The following DMD variants were observed in gnomAD, a reference collection of about 807,000 sequenced individuals.
DMD encodes dystrophin.
A neutral mutation model predicts 330.1 loss-of-function variants in DMD; 63 were observed. The observed-to-expected ratio is 0.19, with a 90% confidence interval of 0.16 to 0.24. The LOEUF is 0.24. DMD is among the 10% of genes least tolerant of loss of function. DMD has a pLI of 1.00. For synonymous variants in DMD, 1,223 were observed against 959.8 expected (o/e 1.27, Z -5.07); for missense variants, 3,344 against 2,684.1 (o/e 1.25, Z -5.43).
intron 29 of DMD, among the ~76,000 whole-genome samples, chrX:32,430,160 G>A (rs2098232237): frequency 2.7e-5 from 3 of 111,183 alleles, no homozygotes; most frequent in African/African-American, 9.8e-5. Flanking sequence ...CATTGTTGTA[G>A]ATAAGAAGTC....
At chrX:31,619,731 T>C (rs909537048) in intron 55 of DMD, among the ~76,000 whole-genome samples, 1 of 112,255 alleles carries the variant, frequency 8.9e-6, no homozygotes, top group Non-Finnish European at 1.9e-5. Flanking sequence ...ATTTAGTCAT[T>C]ACTTTGTATC....
At chrX:31,215,182 C>A (rs187790823) in intron 64 of DMD, among the ~76,000 whole-genome samples, 2,170 of 108,470 alleles carry the variant, frequency 0.02, 21 homozygotes, top group Middle Eastern at 0.038. Context: ...ACCTCGTGAT[C>A]TGCCTGCCTC....
intron 2 of DMD, among the ~76,000 whole-genome samples, chrX:32,858,390 C>T (rs977982827): frequency 2.4e-4 from 27 of 112,122 alleles, no homozygotes; most frequent in African/African-American, 7.8e-4. Context: ...AGTGCAGTGG[C>T]GCAATCTTGG....
intron 55 of DMD, among the ~76,000 whole-genome samples, chrX:31,543,889 T>C (rs1014922790): frequency 2.7e-5 from 3 of 111,128 alleles, no homozygotes; most frequent in Admixed American, 9.6e-5. Context: ...CAGTAAGAAG[T>C]AGGAATTTGG....
At chrX:31,876,740 G>A (rs1402075708) in intron 47 of DMD, among the ~76,000 whole-genome samples, 1 of 108,243 alleles carries the variant, frequency 9.2e-6, no homozygotes, top group African/African-American at 3.3e-5. Flanking sequence ...CAAAAAAACA[G>A]AGCCAGAATA....
At chrX:33,070,680 T>C (rs1346596850) in intron 1 of DMD, among the ~76,000 whole-genome samples, 1 of 27,192 alleles carries the variant, frequency 3.7e-5, no homozygotes, top group African/African-American at 1.7e-4. Context: ...TCTCTATATA[T>C]ATATATATAT....
intron 22 of DMD, 98 bp downstream of exon 22, chrX:32,472,066 G>T: frequency 9.4e-7 from 1 of 1,063,524 alleles, no homozygotes; most frequent in Non-Finnish European, 1.3e-6. Flanking sequence ...TACCATACTT[G>T]TCAGAATGAC....
intron 60 of DMD, among the ~76,000 whole-genome samples, chrX:31,420,283 A>T (rs1297342473): frequency 8.9e-6 from 1 of 112,584 alleles, no homozygotes. Context: ...TCTATAGAAT[A>T]GAATTTACAT....
In DMD at chrX:32,645,194, T is replaced by C. The variant is rs200330567; in HGVS notation, c.961-42A>G. On this transcript the variant is annotated intron_variant, in intron 9 of 78. Coordinates refer to ENST00000357033, the MANE Select transcript of DMD (RefSeq NM_004006.3). Reference sequence around the variant, plus strand: ...ATTGGGTGTTACACAATTAATGTCTTTGCAGATTGTTCCAGTACATTAAAT... The same window carrying C: ...ATTGGGTGTTACACAATTAATGTCTCTGCAGATTGTTCCAGTACATTAAAT... The C allele has an allele frequency of 1.8e-5, 21 of 1,163,053 alleles. No individual in the cohort carries two copies. The African/African-American group carries it at 3.5e-4, about 20-fold the overall frequency.
chrX:31,606,150 G>A (rs1485727637), intron 55 of DMD, among the ~76,000 whole-genome samples: 4 of 111,168 alleles, frequency 3.6e-5, no homozygotes, highest in Admixed American at 1.9e-4. Context: ...TCCTTCCTGC[G>A]GCCTTGTGAA....
chrX:33,316,945 A>G, intron 1 of DMD, among the ~76,000 whole-genome samples: 1 of 111,242 alleles, frequency 9.0e-6, no homozygotes, highest in East Asian at 2.8e-4. Flanking sequence ...TATTGTTAAT[A>G]TCTTACTATT....
intron 63 of DMD, among the ~76,000 whole-genome samples, chrX:31,247,045 C>A (rs1335551435): frequency 8.9e-6 from 1 of 111,891 alleles, no homozygotes; most frequent in Non-Finnish European, 1.9e-5. Flanking sequence ...ATATTTCAAG[C>A]TCACTGTAAG....
intron 44 of DMD, among the ~76,000 whole-genome samples, chrX:32,163,693 T>C (rs1015377186): frequency 1.8e-5 from 2 of 111,707 alleles, no homozygotes; most frequent in Admixed American, 9.5e-5. Flanking sequence ...TGTGTTAATA[T>C]CAATTTCCTG....
chrX:31,579,435 C>G (rs2076247547), intron 55 of DMD, among the ~76,000 whole-genome samples: 1 of 112,572 alleles, frequency 8.9e-6, no homozygotes, highest in South Asian at 3.7e-4. Flanking sequence ...GCTTCTTTCT[C>G]TAATAAATTC....
intron 18 of DMD, among the ~76,000 whole-genome samples, chrX:32,508,332 T>C (rs934316738): frequency 1.8e-5 from 2 of 111,999 alleles, no homozygotes; most frequent in African/African-American, 6.5e-5. Context: ...GGAATATGCA[T>C]ACAAGTATGC....
At chrX:33,314,570 G>GTTTTT (rs1170142842) in intron 1 of DMD, among the ~76,000 whole-genome samples, 3 of 79,044 alleles carry the variant, frequency 3.8e-5, no homozygotes, top group Non-Finnish European at 6.9e-5. Context: ...TTTTTTTTTT[G>GTTTTT]TTTTTTTTTT....
intron 55 of DMD, among the ~76,000 whole-genome samples, chrX:31,552,753 CA>C (rs1444790159): frequency 9.0e-6 from 1 of 111,688 alleles, no homozygotes; most frequent in African/African-American, 3.3e-5. Context: ...ACATGGGTTA[CA>C]TGGGTTTGAG....
chrX:32,534,211 G>GT (rs2047736785), intron 17 of DMD, among the ~76,000 whole-genome samples: 1 of 111,955 alleles, frequency 8.9e-6, no homozygotes, highest in Admixed American at 9.4e-5. Flanking sequence ...TCAGTTCCTG[G>GT]TGACAGCCTT....
At chrX:32,450,070 G>A (rs1358391404) in intron 26 of DMD, among the ~76,000 whole-genome samples, 5 of 110,715 alleles carry the variant, frequency 4.5e-5, no homozygotes, top group Admixed American at 3.8e-4. Context: ...AAGGCTGTTG[G>A]GGAAATGTTA....
Sources: allele counts gnomAD v4.1 joint callset (sites outside exome capture counted in the v4.1 genomes callset), GRCh38; gene constraint gnomAD v4.1.1; transcripts MANE v1.5; gene names NCBI Gene and HGNC (gene_info 2026-07-23, HGNC 2026-07-21).